PLA2G4A: variants seen among roughly 807,000 people sequenced by gnomAD.
PLA2G4A encodes the protein cytosolic phospholipase A2.
A neutral mutation model predicts 81.9 loss-of-function variants in PLA2G4A; 40 were observed. The ratio of observed to expected loss-of-function variants is 0.49; its 90% confidence interval spans 0.38 to 0.64. The LOEUF (loss-of-function observed/expected upper bound fraction) is 0.64. PLA2G4A is among the 30% of genes least tolerant of loss of function. PLA2G4A has a pLI of 0.00. For missense variants in PLA2G4A, 715 were observed against 905.1 expected (o/e 0.79, Z 2.69); for synonymous variants, 302 against 296.9 (o/e 1.02, Z -0.18).
chr1:186,982,150 T>C (rs566892438), intron 17 of PLA2G4A, among the ~76,000 whole-genome samples: 23 of 152,316 alleles, frequency 1.5e-4, no homozygotes, highest in Admixed American at 1.3e-3. Context: ...GAAATATTCT[T>C]TAAACTTGAC....
intron 7 of PLA2G4A, among the ~76,000 whole-genome samples, chr1:186,913,517 C>T (rs78101117): frequency 0.019 from 2,816 of 152,156 alleles, 58 homozygotes; most frequent in Non-Finnish European, 0.024. Context: ...CAATGATGCT[C>T]ATCAAATGAT....
chr1:186,954,247 A>C (rs191379897), intron 13 of PLA2G4A, among the ~76,000 whole-genome samples: 2 of 152,326 alleles, frequency 1.3e-5, no homozygotes. Context: ...ATACCATGGA[A>C]TACTATATAG....
At position 186,912,773 on chromosome 1, in the gene PLA2G4A, T is replaced by TATAC. The variant is rs1396647994; in HGVS notation, c.558+1387_558+1388insCATA. 3.8e-3 allele frequency among the ~76,000 whole-genome samples: 501 copies of TATAC among 132,684 alleles called. 12 individuals are homozygous for TATAC. The highest frequency in any genetic ancestry group is 0.016 in the African/African-American group (479 of 30,852). The allele number at this position is 132,684 out of a possible 152,430, so 87.0% of individuals were successfully genotyped here. A position where few individuals can be genotyped will look rare whatever the true frequency, so the allele number is the denominator to read the frequency against. On this transcript the variant is annotated intron_variant, in intron 7 of 17. Transcript: ENST00000367466. ...ATGTATATATATACATAAGTATATA[T>TATAC]ATATGTATACTTATATATATATGTA... is the stretch of plus-strand genomic sequence containing the variant.
rs182112790 is a variant in PLA2G4A, at chr1:186,917,347, A to G, written c.558+5958A>G. Among the ~76,000 whole-genome samples, 103 of 152,300 alleles carry G rather than the reference A, an allele frequency of 6.8e-4. 2 individuals are homozygous for G. Among genetic ancestry groups the G allele is most frequent in the African/African-American group, 2.3e-3 (95 of 41,574 alleles). On this transcript the variant is annotated intron_variant, in intron 7 of 17. Transcript: ENST00000367466. ...GGAAGTGCCTGGAAGCTCTCCTAGT[A>G]TAGGAGGAGGCCTATGATACAGTAT...
At chr1:186,872,092 T>C (rs1220015006) in intron 3 of PLA2G4A, among the ~76,000 whole-genome samples, 1 of 152,038 alleles carries the variant, frequency 6.6e-6, no homozygotes, top group Non-Finnish European at 1.5e-5. Context: ...TCATGACAGG[T>C]GAGGAGAGCA....
At chr1:186,930,576 G>C (rs1442987258) in intron 7 of PLA2G4A, among the ~76,000 whole-genome samples, 1 of 152,098 alleles carries the variant, frequency 6.6e-6, no homozygotes, top group Non-Finnish European at 1.5e-5. Context: ...GTGTTGAAAT[G>C]AATTGTATAA....
At position 186,854,407 on chromosome 1, in the gene PLA2G4A, T is replaced by C. The variant is rs7416510; in HGVS notation, c.33+20T>C. The C allele has an allele frequency of 2.0e-5, 30 of 1,510,842 alleles. No individual in the cohort carries two copies. The Admixed American group carries it at 5.0e-4, about 25-fold the overall frequency. 93.6% of individuals were successfully genotyped at this position (1,510,842 alleles called of 1,614,324 possible). On this transcript the variant is annotated intron_variant, in intron 2 of 17. Transcript: ENST00000367466. ...ATTATAGTAAGTCATTCACTGTTTA[T>C]GAATTCTTTCTTGGAGGGGGTCTGA...
At chr1:186,938,219 A>C (rs1326867364) in intron 8 of PLA2G4A, among the ~76,000 whole-genome samples, 1 of 152,128 alleles carries the variant, frequency 6.6e-6, no homozygotes, top group East Asian at 1.9e-4. Flanking sequence ...GAAACAGATA[A>C]GTAAACGAGT....
At chr1:186,968,171 G>C (rs538356369) in intron 15 of PLA2G4A, among the ~76,000 whole-genome samples, 97 of 152,126 alleles carry the variant, frequency 6.4e-4, no homozygotes, top group African/African-American at 2.2e-3. Flanking sequence ...TTTTACATGT[G>C]AATCAGGGCT....
intron 15 of PLA2G4A, 143 bp downstream of exon 15, chr1:186,965,736 A>AT: frequency 1.4e-6 from 1 of 718,018 alleles, no homozygotes; most frequent in African/African-American, 1.8e-5. Flanking sequence ...AAACGCAAAC[A>AT]TGGTTCAATC....
rs1653216867 is a variant in PLA2G4A at position 186,870,475 on chromosome 1, T to C, written c.74T>C (p.Leu25Ser). ...QYSHKFTVVV[L>S]RATKVTKGAF... is the part of the protein sequence containing the mutation. ...TCCCACAAGTTTACGGTAGTGGTGTTACGTGCCACCAAAGTGACAAAGGGG... is the reference window on the plus strand; with the variant it reads ...TCCCACAAGTTTACGGTAGTGGTGTCACGTGCCACCAAAGTGACAAAGGGG... Residue 25 changes from leucine to serine, a missense_variant, in exon 3 of 18, where the codon TTA becomes TCA. Leu to Ser is a moderately radical substitution (Grantham distance 145). Transcript: ENST00000367466. 6.2e-7 allele frequency: 1 copy of C among 1,612,418 alleles called. No homozygotes were observed. Among genetic ancestry groups the C allele is most frequent in the Non-Finnish European group, 8.5e-7 (1 of 1,178,460 alleles).
intron 14 of PLA2G4A, among the ~76,000 whole-genome samples, chr1:186,957,116 C>CT (rs12720655): frequency 0.96 from 145,607 of 151,990 alleles, 69,791 homozygotes; most frequent in East Asian, 1. Flanking sequence ...TGCACCACTG[C>CT]ACTCCAGCCT....
At chr1:186,914,718 G>T (rs996352575) in intron 7 of PLA2G4A, among the ~76,000 whole-genome samples, 1 of 152,160 alleles carries the variant, frequency 6.6e-6, no homozygotes, top group Non-Finnish European at 1.5e-5. Context: ...CAGGCCCAGG[G>T]TGTGGTGCTG....
chr1:186,951,756 C>A (rs12720646), intron 13 of PLA2G4A, among the ~76,000 whole-genome samples: 1 of 152,130 alleles, frequency 6.6e-6, no homozygotes, highest in African/African-American at 2.4e-5. Flanking sequence ...GAGAATGTAG[C>A]TGCACAGGGC....
chr1:186,988,235 T>C, intron 17 of PLA2G4A, 142 bp from the exon 18 acceptor site: 5 of 576,144 alleles, frequency 8.7e-6, no homozygotes, highest in Non-Finnish European at 1.5e-5. Flanking sequence ...TTTAAATGTG[T>C]ATGCATGACT....
chr1:186,926,495 T>C (rs1655551658), intron 7 of PLA2G4A, among the ~76,000 whole-genome samples: 1 of 152,244 alleles, frequency 6.6e-6, no homozygotes, highest in South Asian at 2.1e-4. Flanking sequence ...TTTTCTATTT[T>C]TATGTTACTT....
intron 15 of PLA2G4A, among the ~76,000 whole-genome samples, chr1:186,971,149 C>T (rs1657342950): frequency 6.6e-6 from 1 of 151,640 alleles, no homozygotes; most frequent in South Asian, 2.1e-4. Context: ...ACTTTTTTGG[C>T]ATTATTTTGT....
At chr1:186,890,355 C>A (rs538149828) in intron 3 of PLA2G4A, among the ~76,000 whole-genome samples, 1 of 152,014 alleles carries the variant, frequency 6.6e-6, no homozygotes, top group African/African-American at 2.4e-5. Context: ...TATAGTGTGT[C>A]CAGTGCTGTA....
intron 15 of PLA2G4A, among the ~76,000 whole-genome samples, chr1:186,970,354 T>C (rs1193721176): frequency 1.3e-5 from 2 of 151,982 alleles, no homozygotes; most frequent in Non-Finnish European, 1.5e-5. Flanking sequence ...CATTCTGTGG[T>C]TCGTCTCTTT....
Sources: allele counts gnomAD v4.1 joint callset (sites outside exome capture counted in the v4.1 genomes callset), GRCh38; gene constraint gnomAD v4.1.1; transcripts MANE v1.5; gene names NCBI Gene and HGNC (gene_info 2026-07-23, HGNC 2026-07-21).